The following ZCCHC10 variants were observed in gnomAD, a reference collection of about 807,000 sequenced individuals.
ZCCHC10 encodes the protein zinc finger CCHC domain-containing protein 10.
A neutral mutation model predicts 19.5 loss-of-function variants in ZCCHC10; 16 were observed. The ratio of observed to expected loss-of-function variants is 0.82; its 90% CI spans 0.56 to 1.25. The LOEUF is 1.25. Ranked by LOEUF, ZCCHC10 falls within the 50% of genes most tolerant of loss-of-function variation. The probability of loss-of-function intolerance (pLI) is 0.00; values close to 1 mark genes in which losing one functional copy is unlikely to be tolerated. For missense variants in ZCCHC10, 197 were observed against 201.0 expected (o/e 0.98, Z 0.12); for synonymous variants, 67 against 72.5 (o/e 0.92, Z 0.38).
At chr5:133,009,617 A>AAAAG (rs1763362695) in intron 2 of ZCCHC10, among the ~76,000 whole-genome samples, 1 of 150,784 alleles carries the variant, frequency 6.6e-6, no homozygotes, top group Non-Finnish European at 1.5e-5. Context: ...CCGTCTCAAA[A>AAAAG]AAAAAAAAAA....
At chr5:133,021,942 C>T (rs903717693) in intron 2 of ZCCHC10, among the ~76,000 whole-genome samples, 1 of 151,734 alleles carries the variant, frequency 6.6e-6, no homozygotes, top group Non-Finnish European at 1.5e-5. Flanking sequence ...TACAGGTGCC[C>T]GCCACGACAC....
intron 3 of ZCCHC10, among the ~76,000 whole-genome samples, chr5:133,004,463 C>T (rs780778019): frequency 5.1e-4 from 78 of 152,242 alleles, no homozygotes; most frequent in African/African-American, 1.3e-3. Flanking sequence ...CATGAGCCAC[C>T]GCGCCCGGCT....
intron 3 of ZCCHC10, among the ~76,000 whole-genome samples, chr5:133,005,080 A>C (rs1763023753): frequency 6.8e-6 from 1 of 146,462 alleles, no homozygotes. Flanking sequence ...CGGGCAGATC[A>C]TGAGGTCAGG....
At chr5:133,009,334 A>G (rs1763345066) in intron 2 of ZCCHC10, among the ~76,000 whole-genome samples, 1 of 151,820 alleles carries the variant, frequency 6.6e-6, no homozygotes, top group South Asian at 2.1e-4. Context: ...ACCAAAAAAG[A>G]TGGCCAGGTG....
intron 2 of ZCCHC10, among the ~76,000 whole-genome samples, chr5:133,022,457 C>CATT (rs1764378186): frequency 4.2e-5 from 6 of 141,550 alleles, no homozygotes; most frequent in African/African-American, 1.5e-4. Context: ...TATTGTTCAA[C>CATT]TTTTTTTTTT....
At chr5:133,012,469 A>G (rs1290933180) in intron 2 of ZCCHC10, among the ~76,000 whole-genome samples, 1 of 137,094 alleles carries the variant, frequency 7.3e-6, no homozygotes, top group East Asian at 2.2e-4. Context: ...CTCCATCTCA[A>G]AGAAAAAAAA....
At chr5:133,000,248 TC>T in intron 3 of ZCCHC10, 75 bp from the exon 4 acceptor site, 1 of 1,511,822 alleles carries the variant, frequency 6.6e-7, no homozygotes. Flanking sequence ...CCTTCTACTA[TC>T]CCCCAAATCA....
At chr5:133,017,111 A>C (rs1412783809) in intron 2 of ZCCHC10, among the ~76,000 whole-genome samples, 10 of 152,092 alleles carry the variant, frequency 6.6e-5, no homozygotes, top group African/African-American at 2.4e-4. Context: ...CCTCGTGTGG[A>C]CACCTTTGAC....
At chr5:133,003,348 G>A (rs1185785119) in intron 3 of ZCCHC10, 3 of 376,176 alleles carry the variant, frequency 8.0e-6, no homozygotes, top group Non-Finnish European at 1.6e-5. Flanking sequence ...ATTGAAGAAA[G>A]AAGGTTCAGA....
At chr5:133,016,923 C>T (rs1170833473) in intron 2 of ZCCHC10, among the ~76,000 whole-genome samples, 6 of 151,926 alleles carry the variant, frequency 3.9e-5, no homozygotes, top group Non-Finnish European at 1.5e-5. Context: ...CCACGACTCC[C>T]ATTGCCAGGC....
chr5:133,006,660 A>T, intron 3 of ZCCHC10, 99 bp downstream of exon 3: 1 of 1,170,664 alleles, frequency 8.5e-7, no homozygotes, highest in Non-Finnish European at 1.2e-6. Context: ...GTAACATTAT[A>T]ATTAAAATCT....
At chr5:133,023,846 T>C (rs1041582221) in intron 1 of ZCCHC10, among the ~76,000 whole-genome samples, 2 of 152,196 alleles carry the variant, frequency 1.3e-5, no homozygotes, top group Non-Finnish European at 2.9e-5. Flanking sequence ...TTTGTTGTTA[T>C]GTAAGTAATA....
At chr5:133,015,264 A>ATTT (rs1763847614) in intron 2 of ZCCHC10, among the ~76,000 whole-genome samples, 1 of 151,946 alleles carries the variant, frequency 6.6e-6, no homozygotes, top group African/African-American at 2.4e-5. Flanking sequence ...TTTTTAGCAG[A>ATTT]TACAGGGTTT....
At chr5:133,007,194 C>T (rs1315959789) in intron 2 of ZCCHC10, among the ~76,000 whole-genome samples, 3 of 152,048 alleles carry the variant, frequency 2.0e-5, no homozygotes, top group African/African-American at 7.2e-5. Flanking sequence ...GCAAGTCTTT[C>T]CTGTGCTGTT....
At chr5:133,022,408 A>G (rs1212188321) in intron 2 of ZCCHC10, among the ~76,000 whole-genome samples, 3 of 151,998 alleles carry the variant, frequency 2.0e-5, no homozygotes, top group Admixed American at 2.0e-4. Flanking sequence ...GGTGCATGAC[A>G]ATATAGAGAG....
At chr5:133,016,391 T>G (rs1229274400) in intron 2 of ZCCHC10, among the ~76,000 whole-genome samples, 2 of 152,242 alleles carry the variant, frequency 1.3e-5, no homozygotes, top group African/African-American at 4.8e-5. Flanking sequence ...TTTAAAATTT[T>G]TCTCCGCTTG....
intron 2 of ZCCHC10, among the ~76,000 whole-genome samples, chr5:133,013,222 C>T (rs1027000223): frequency 2.6e-4 from 38 of 143,940 alleles, no homozygotes; most frequent in Middle Eastern, 3.6e-3. Flanking sequence ...AGCACTGCTG[C>T]ACTCCAGCCT....
At chr5:133,002,767 G>C (rs1348793684) in intron 3 of ZCCHC10, among the ~76,000 whole-genome samples, 2 of 151,896 alleles carry the variant, frequency 1.3e-5, no homozygotes, top group South Asian at 2.1e-4. Context: ...TCGCCCAGGT[G>C]GGAGTGCTGT....
In ZCCHC10 at chr5:133,024,658, T is replaced by C. The variant is rs558931562; in HGVS notation, c.42-1752A>G. The stretch of plus-strand genomic sequence containing the variant: ...GGCTCATGCCTGTAATCCCAGTACT[T>C]TGGGAAGCTAAGGTGGGCAGATCAC... On this transcript the variant is annotated intron_variant, in intron 1 of 4. Coordinates refer to ENST00000509437, the MANE Select transcript of ZCCHC10 (RefSeq NM_001300816.3). 1.1e-4 allele frequency among the ~76,000 whole-genome samples: 16 copies of C among 152,298 alleles called. No individual in the cohort carries two copies. The South Asian group carries it at 3.3e-3, about 32-fold the overall frequency.
Sources: gnomAD v4.1 joint callset for allele counts (sites outside exome capture counted in the v4.1 genomes callset) on GRCh38, gnomAD v4.1.1 for gene constraint, MANE v1.5 for transcripts, NCBI Gene and HGNC (gene_info 2026-07-23, HGNC 2026-07-21) for gene names.